ZPBP: variants seen among roughly 807,000 people sequenced by gnomAD.
ZPBP encodes the protein zona pellucida-binding protein 1.
ZPBP carries 26 observed loss-of-function variants against 44.8 expected under a neutral mutation model. That is an observed-to-expected ratio of 0.58 (90% CI 0.43 to 0.81). The LOEUF is 0.81. ZPBP is among the 30% of genes least tolerant of loss of function. The probability of loss-of-function intolerance (pLI) is 0.00; values close to 1 mark genes in which losing one functional copy is unlikely to be tolerated. For missense variants in ZPBP, 409 were observed against 434.0 expected (o/e 0.94, Z 0.51); for synonymous variants, 174 against 153.2 (o/e 1.14, Z -1.00).
intron 2 of ZPBP, among the ~76,000 whole-genome samples, chr7:49,853,778 A>T (rs188073081): frequency 5.6e-4 from 85 of 152,088 alleles, no homozygotes; most frequent in African/African-American, 1.9e-3. Flanking sequence ...GGTTTGTTAC[A>T]TATGTATACG....
chr7:49,908,006 G>C (rs905396649), intron 1 of ZPBP, among the ~76,000 whole-genome samples: 12 of 152,156 alleles, frequency 7.9e-5, no homozygotes, highest in Non-Finnish European at 1.3e-4. Context: ...ATTGTCTACG[G>C]AATGCAGATT....
intron 3 of ZPBP, among the ~76,000 whole-genome samples, chr7:50,067,850 G>A (rs1389560746): frequency 6.6e-6 from 1 of 152,200 alleles, no homozygotes; most frequent in East Asian, 1.9e-4. Flanking sequence ...ATGTCACTGG[G>A]TGATGCCATG....
intron 4 of ZPBP, among the ~76,000 whole-genome samples, chr7:50,057,462 G>T (rs972019520): frequency 1.3e-5 from 2 of 152,070 alleles, no homozygotes; most frequent in Admixed American, 6.6e-5. Context: ...GCGTCTCTCA[G>T]GTTTCTTTTC....
intron 2 of ZPBP, among the ~76,000 whole-genome samples, chr7:49,865,162 A>T (rs1192524569): frequency 6.6e-6 from 1 of 152,228 alleles, no homozygotes; most frequent in East Asian, 1.9e-4. Flanking sequence ...AGAATATGCC[A>T]GTTCAGGAAG....
chr7:50,057,044 G>A (rs1321469160), intron 4 of ZPBP, among the ~76,000 whole-genome samples: 2 of 152,068 alleles, frequency 1.3e-5, no homozygotes, highest in Non-Finnish European at 2.9e-5. Context: ...AATTAGCCAG[G>A]CGTGGTGGCA....
chr7:49,982,318 A>T (rs1216392728), intron 7 of ZPBP, among the ~76,000 whole-genome samples: 2 of 112,200 alleles, frequency 1.8e-5, no homozygotes, highest in Non-Finnish European at 3.5e-5. Context: ...ATTATATAAT[A>T]TATAATTATA....
At chr7:49,916,671 G>T (rs936150837) in intron 1 of ZPBP, 1 of 152,162 alleles carries the variant, frequency 6.6e-6, no homozygotes, top group Non-Finnish European at 1.5e-5. Flanking sequence ...TTGTTGAATT[G>T]TATTCCATCT....
chr7:49,873,856 A>G (rs1157355771), intron 2 of ZPBP, among the ~76,000 whole-genome samples: 1 of 152,124 alleles, frequency 6.6e-6, no homozygotes, highest in Admixed American at 6.5e-5. Flanking sequence ...ACTACTACAC[A>G]GCATTTATAT....
chr7:49,972,853 G>A (rs1240428145), intron 7 of ZPBP, among the ~76,000 whole-genome samples: 2 of 151,816 alleles, frequency 1.3e-5, no homozygotes, highest in Non-Finnish European at 2.9e-5. Flanking sequence ...TAAAAACAGT[G>A]TGATAATGGC....
intron 1 of ZPBP, among the ~76,000 whole-genome samples, chr7:49,930,955 G>T (rs1267601587): frequency 6.6e-6 from 1 of 152,188 alleles, no homozygotes; most frequent in Admixed American, 6.5e-5. Context: ...ATTGAATAGT[G>T]GGGGCAAGTT....
At chr7:49,845,654 A>G (rs1789924079), downstream of ZPBP, among the ~76,000 whole-genome samples, 1 of 151,244 alleles carries the variant, frequency 6.6e-6, no homozygotes. Context: ...TTAAAATACC[A>G]ACCTTCGGTG....
At chr7:50,073,470 A>G (rs1216704617) in intron 3 of ZPBP, among the ~76,000 whole-genome samples, 2 of 152,122 alleles carry the variant, frequency 1.3e-5, no homozygotes, top group African/African-American at 2.4e-5. Context: ...AGAGGAAAAG[A>G]TAAGGGTAGA....
chr7:49,849,804 G>A (rs1562730186), downstream of ZPBP, among the ~76,000 whole-genome samples: 1 of 151,916 alleles, frequency 6.6e-6, no homozygotes, highest in Non-Finnish European at 1.5e-5. Flanking sequence ...CTCTAACCAA[G>A]TCTTGGGGTA....
chr7:50,035,676 A>C (rs1799797258), intron 4 of ZPBP, among the ~76,000 whole-genome samples: 1 of 152,230 alleles, frequency 6.6e-6, no homozygotes, highest in South Asian at 2.1e-4. Flanking sequence ...TAACAGTATT[A>C]AGAAAAATGC....
Position 49,957,776 on chromosome 7 carries a change from G to T in ZPBP, c.962-20154C>A, listed in dbSNP as rs577309525. 2.6e-5 allele frequency among the ~76,000 whole-genome samples: 4 copies of T among 152,306 alleles called. No homozygotes were observed. In the South Asian group the frequency reaches 6.2e-4, roughly 24 times the overall value. ...GAATTGTGTGGTCAGAGTTTTCAGA[G>T]AGTCTCCACTACAGTAATACATAGT... is the stretch of plus-strand genomic sequence containing the variant. On this transcript the variant is annotated intron_variant, in intron 7 of 7. Transcript: ENST00000046087.
At chr7:49,856,337 C>G (rs1324588750) in intron 2 of ZPBP, among the ~76,000 whole-genome samples, 1 of 152,104 alleles carries the variant, frequency 6.6e-6, no homozygotes, top group Non-Finnish European at 1.5e-5. Context: ...CTGGCACCTC[C>G]CTTTTCTCTC....
chr7:50,051,200 C>A (rs1408432948), intron 4 of ZPBP, among the ~76,000 whole-genome samples: 1 of 152,134 alleles, frequency 6.6e-6, no homozygotes, highest in Non-Finnish European at 1.5e-5. Flanking sequence ...CATCACTGAT[C>A]ATTAGAGAAA....
intron 7 of ZPBP, among the ~76,000 whole-genome samples, chr7:49,969,400 C>T (rs1427048286): frequency 6.7e-6 from 1 of 148,524 alleles, no homozygotes; most frequent in Non-Finnish European, 1.5e-5. Context: ...AAAACTGACA[C>T]AAAATATACA....
intron 2 of ZPBP, among the ~76,000 whole-genome samples, chr7:49,856,986 G>T (rs1790446948): frequency 8.6e-6 from 1 of 116,074 alleles, no homozygotes; most frequent in Non-Finnish European, 1.6e-5. Context: ...CTCCAACCTG[G>T]GTGACAGAGC....
Sources: gnomAD v4.1 joint callset for allele counts (sites outside exome capture counted in the v4.1 genomes callset) on GRCh38, gnomAD v4.1.1 for gene constraint, MANE v1.5 for transcripts, NCBI Gene and HGNC (gene_info 2026-07-23, HGNC 2026-07-21) for gene names.